Variants in LOXHD1 observed in about 807,000 individuals in gnomAD.
LOXHD1 encodes the protein lipoxygenase homology domain-containing protein 1.
In LOXHD1, 205 loss-of-function variants were observed where a neutral mutation model predicts 248.2. The observed-to-expected ratio is 0.83, with a 90% CI of 0.74 to 0.93. LOXHD1 has a LOEUF of 0.93. Ranked by LOEUF, LOXHD1 falls within the 40% of genes least tolerant of loss-of-function variation. LOXHD1 has a pLI of 0.00. For missense variants in LOXHD1, 2,930 were observed against 2,971.6 expected, an observed-to-expected ratio of 0.99 and a Z score of 0.33; for synonymous variants, 1,113 against 1,162.8, an observed-to-expected ratio of 0.96 and a Z score of 0.87.
At position 46,485,029 on chromosome 18, in the gene LOXHD1, C is replaced by A. The variant is rs1195759584; in HGVS notation, c.6172G>T (p.Ala2058Ser). 3 of 1,550,922 alleles carry A rather than the reference C, an allele frequency of 1.9e-6. No individual in the cohort carries two copies. Among genetic ancestry groups the A allele is most frequent in the South Asian group, 1.2e-5 (1 of 84,000 alleles). ...FLMENSSRQR[A>S]FRKGTTDTFE... Reference sequence around the variant, plus strand: ...GCCTCCCCTTCCTACTTCCTAAAGGCCCGCTGCCTAGAAGAATTTTCCATG... The same window carrying A: ...GCCTCCCCTTCCTACTTCCTAAAGGACCGCTGCCTAGAAGAATTTTCCATG... The change falls in exon 39 of 41, where the codon GCC (alanine) becomes TCC (serine). Residue 2058 changes from alanine to serine, a missense_variant. Transcript: ENST00000642948.
intron 1 of LOXHD1, among the ~76,000 whole-genome samples, chr18:46,654,863 C>T (rs1251044200): frequency 2.6e-5 from 4 of 152,178 alleles, no homozygotes; most frequent in Non-Finnish European, 5.9e-5. Context: ...GTGGCACCCA[C>T]CTCCACTTGC....
Position 46,566,444 on chromosome 18 carries a change from G to A in LOXHD1, c.2250C>T (p.Asn750=). ...TLETLNIGNI[N]RLVIGHDSTG... ...TGCTGTCATGCCCAATCACCAGCCGGTTGATCTGAAGGAAACCCGAGTGAG... is the reference window on the plus strand; with the variant it reads ...TGCTGTCATGCCCAATCACCAGCCGATTGATCTGAAGGAAACCCGAGTGAG... Residue 750 remains asparagine (N), a synonymous_variant, in exon 17 of 41, where the codon AAC becomes AAT. Coordinates refer to ENST00000642948, the MANE Select transcript of LOXHD1 (RefSeq NM_001384474.1). 6.5e-7 allele frequency: 1 copy of A among 1,549,282 alleles called. No homozygotes were observed.
At chr18:46,613,974 A>G (rs2038546314) in intron 5 of LOXHD1, among the ~76,000 whole-genome samples, 1 of 152,240 alleles carries the variant, frequency 6.6e-6, no homozygotes, top group Non-Finnish European at 1.5e-5. Context: ...CAAAATGCTT[A>G]TCATCACTGG....
chr18:46,592,241 C>T (rs1316533507), intron 11 of LOXHD1, among the ~76,000 whole-genome samples, 173 bp from the exon 12 acceptor site: 1 of 151,454 alleles, frequency 6.6e-6, no homozygotes, highest in Non-Finnish European at 1.5e-5. Flanking sequence ...TGGATACCCA[C>T]ACTTGCCTAG....
At position 46,541,620 on chromosome 18, in the gene LOXHD1, CCA is replaced by C. The variant is rs544337483; in HGVS notation, c.3913+154_3913+155del. On this transcript the variant is annotated intron_variant, in intron 25 of 40. Coordinates refer to ENST00000642948, the MANE Select transcript of LOXHD1 (RefSeq NM_001384474.1). ...GGGTCCAGAACTCTGCCCACAGCCC[CCA>C]CAGAGTCAGAAAATTCAGGACAGGG... 2.0e-3 allele frequency among the ~76,000 whole-genome samples: 310 copies of C among 152,282 alleles called. 1 individual carries two copies. Among genetic ancestry groups the C allele is most frequent in the Non-Finnish European group, 2.0e-3 (135 of 68,036 alleles).
intron 15 of LOXHD1, among the ~76,000 whole-genome samples, chr18:46,571,014 T>TG (rs1599015416): frequency 6.6e-6 from 1 of 152,110 alleles, no homozygotes; most frequent in East Asian, 1.9e-4. Flanking sequence ...ACTACACAAC[T>TG]GGGTTTGCTG....
At chr18:46,629,808 G>GA (rs1247363707) in intron 4 of LOXHD1, among the ~76,000 whole-genome samples, 1 of 136,472 alleles carries the variant, frequency 7.3e-6, no homozygotes, top group Non-Finnish European at 1.6e-5. Context: ...AAAAAAAAAA[G>GA]AAAAAAAGAA....
chr18:46,544,509 C>T (rs1432165720), intron 23 of LOXHD1, among the ~76,000 whole-genome samples: 1 of 152,218 alleles, frequency 6.6e-6, no homozygotes, highest in Non-Finnish European at 1.5e-5. Context: ...CTTTATCCAA[C>T]CTATTAAATA....
At chr18:46,647,137 G>C (rs185462458) in intron 2 of LOXHD1, among the ~76,000 whole-genome samples, 1 of 152,222 alleles carries the variant, frequency 6.6e-6, no homozygotes, top group African/African-American at 2.4e-5. Flanking sequence ...GGTAATTGGG[G>C]AGGGTTGATT....
chr18:46,602,080 C>T (rs1186423579), intron 7 of LOXHD1, among the ~76,000 whole-genome samples: 1 of 152,278 alleles, frequency 6.6e-6, no homozygotes, highest in African/African-American at 2.4e-5. Context: ...ACATGGAATT[C>T]TGAGGAAGAA....
In LOXHD1 at chr18:46,524,614, G is replaced by A. The variant is rs1465132411; in HGVS notation, c.4741-13C>T. The stretch of plus-strand genomic sequence containing the variant: ...CCCCAGTGTACTCCTGTGTGGGAGA[G>A]CAGGACTGGCAGTTGCAGCTCCAGC... On this transcript the variant is annotated splice_polypyrimidine_tract_variant and intron_variant, in intron 30 of 40. Coordinates refer to ENST00000642948, the MANE Select transcript of LOXHD1 (RefSeq NM_001384474.1). 1.4e-5 allele frequency: 22 copies of A among 1,551,656 alleles called. No individual in the cohort carries two copies. The highest frequency in any genetic ancestry group is 3.6e-5 in the South Asian group (3 of 84,062).
intron 4 of LOXHD1, among the ~76,000 whole-genome samples, chr18:46,623,015 T>C (rs2038690106): frequency 6.6e-6 from 1 of 152,114 alleles, no homozygotes; most frequent in African/African-American, 2.4e-5. Context: ...ATTGTGGAAA[T>C]CGTCACCCAA....
intron 1 of LOXHD1, among the ~76,000 whole-genome samples, chr18:46,655,242 G>C (rs1288409601): frequency 6.6e-6 from 1 of 152,168 alleles, no homozygotes; most frequent in Non-Finnish European, 1.5e-5. Context: ...ATGTCTCAGG[G>C]CCTCAGTCTT....
rs533866625 is a variant in LOXHD1 at position 46,546,840 on chromosome 18, G to A, written c.3514+55C>T. On this transcript the variant is annotated intron_variant, in intron 22 of 40. Coordinates refer to ENST00000642948, the MANE Select transcript of LOXHD1 (RefSeq NM_001384474.1). ...AAGGAAGATGGAGACTTAGGGTTAG[G>A]GAGAGGCAGAGGGGAGGGGTGCTGG... 3.0e-4 allele frequency: 447 copies of A among 1,514,044 alleles called. 4 individuals carry two copies. The South Asian group carries it at 5.4e-3, about 18-fold the overall frequency. The allele number at this position is 1,514,044 out of a possible 1,614,324, so 93.8% of individuals were successfully genotyped here.
intron 33 of LOXHD1, 21 bp downstream of exon 33, chr18:46,521,076 C>A: frequency 6.5e-7 from 1 of 1,550,264 alleles, no homozygotes; most frequent in Non-Finnish European, 8.7e-7. Context: ...ATGCACTGCA[C>A]ACTCACAGTG....
At chr18:46,564,899 C>T (rs1453899731) in intron 17 of LOXHD1, among the ~76,000 whole-genome samples, 2 of 152,148 alleles carry the variant, frequency 1.3e-5, no homozygotes, top group African/African-American at 2.4e-5. Flanking sequence ...TGATTTCACA[C>T]TGGGGTTCCC....
intron 4 of LOXHD1, among the ~76,000 whole-genome samples, chr18:46,638,753 G>A (rs953844500): frequency 3.9e-5 from 6 of 152,214 alleles, no homozygotes; most frequent in African/African-American, 1.4e-4. Flanking sequence ...GAAAATTGGA[G>A]ATACAGAAAT....
chr18:46,545,478 G>A, intron 22 of LOXHD1, 57 bp from the exon 23 acceptor site: 1 of 1,336,658 alleles, frequency 7.5e-7, no homozygotes. Context: ...CATGAAAGGA[G>A]GAAAGAGGAC....
At chr18:46,651,930 C>A (rs1199025845) in intron 1 of LOXHD1, among the ~76,000 whole-genome samples, 1 of 152,206 alleles carries the variant, frequency 6.6e-6, no homozygotes, top group African/African-American at 2.4e-5. Context: ...CAAAGACCTG[C>A]ACACAAATGT....
Sources: gnomAD v4.1 joint callset for allele counts (sites outside exome capture counted in the v4.1 genomes callset) on GRCh38, gnomAD v4.1.1 for gene constraint, MANE v1.5 for transcripts, NCBI Gene and HGNC (gene_info 2026-07-23, HGNC 2026-07-21) for gene names.